Variants in LIFR observed in about 807,000 individuals in gnomAD.
The protein encoded by LIFR is leukemia inhibitory factor receptor.
In LIFR, 84 loss-of-function variants were observed where a neutral mutation model predicts 122.2. That is an observed-to-expected ratio of 0.69 (90% confidence interval 0.58 to 0.82). LIFR has a LOEUF of 0.82. Ranked by LOEUF, LIFR falls within the 40% of genes least tolerant of loss-of-function variation. The pLI is 0.00. For missense variants in LIFR, 1,294 were observed against 1,311.6 expected, an observed-to-expected ratio of 0.99 and a Z score of 0.21; for synonymous variants, 422 against 434.7, an observed-to-expected ratio of 0.97 and a Z score of 0.36.
chr5:38,476,708 TTCAA>T lies in LIFR; in HGVS notation c.*4883_*4886del, dbSNP rs1408378799. On this transcript the variant is annotated 3_prime_UTR_variant, in exon 20 of 20. Transcript: ENST00000453190. ...AATCATATTTTGTTTCTGGCTAATGTTCAATCAGTTTTTCTTTTATAAGAGCTTT... is the reference window on the plus strand; with the variant it reads ...AATCATATTTTGTTTCTGGCTAATGTTCAGTTTTTCTTTTATAAGAGCTTT... The T allele has an allele frequency of 9.5e-6, 2 of 210,090 alleles. No individual in the cohort carries two copies. The highest frequency in any genetic ancestry group is 7.2e-5 in the East Asian group (1 of 13,844). 13.0% of individuals were successfully genotyped at this position (210,090 alleles called of 1,614,324 possible).
chr5:38,549,285 A>ACT (rs1161716782), intron 1 of LIFR, among the ~76,000 whole-genome samples: 7 of 139,084 alleles, frequency 5.0e-5, no homozygotes, highest in African/African-American at 1.8e-4. Flanking sequence ...ACACACACAC[A>ACT]CACTCCATAA....
chr5:38,566,996 G>A (rs1225132928), intron 1 of LIFR, among the ~76,000 whole-genome samples: 1 of 152,180 alleles, frequency 6.6e-6, no homozygotes, highest in African/African-American at 2.4e-5. Context: ...CACATCATCA[G>A]CTCCTGGGAA....
rs1249272660 is a variant in LIFR, at chr5:38,481,679, A to T, written c.3210T>A (p.Ile1070=). The change falls in exon 20 of 20, where the codon ATT becomes ATA. Residue 1070 remains isoleucine, a synonymous_variant. Transcript: ENST00000453190. ...PCSINSRQFL[I]PPKDEDSPKS... ...TAGGAGAGTCTTCATCTTTAGGAGG[A>T]ATCAAAAATTGTCGGGAATTAATGG... 6.2e-7 allele frequency: 1 copy of T among 1,614,054 alleles called. No individual in the cohort carries two copies. The highest frequency in any genetic ancestry group is 1.7e-5 in the Admixed American group (1 of 60,000).
rs73077485 is a variant in LIFR, at chr5:38,521,371, G to T, written c.561+2048C>A. 4.5e-3 allele frequency among the ~76,000 whole-genome samples: 687 copies of T among 152,216 alleles called. 7 individuals are homozygous for T. The highest frequency in any genetic ancestry group is 0.015 in the African/African-American group (638 of 41,546). ...ACAAGATTATATCACCAGCAAAGAG[G>T]GACAATTTGACTCTCTCTTTCCCAA... On this transcript the variant is annotated intron_variant, in intron 5 of 19. Transcript: ENST00000453190.
At chr5:38,550,856 TAA>T (rs975739257) in intron 1 of LIFR, among the ~76,000 whole-genome samples, 3 of 152,228 alleles carry the variant, frequency 2.0e-5, no homozygotes, top group African/African-American at 4.8e-5. Context: ...CCTCTGGGTC[TAA>T]GTTTCTTTAT....
intron 1 of LIFR, among the ~76,000 whole-genome samples, chr5:38,592,991 C>T (rs1476576088): frequency 6.6e-6 from 1 of 151,842 alleles, no homozygotes; most frequent in Non-Finnish European, 1.5e-5. Context: ...GATCACGAGG[C>T]CAGGAGTTCA....
rs1056309797 is a variant in LIFR, at chr5:38,476,110, A to C, written c.*5485T>G. 1.0e-5 allele frequency: 2 copies of C among 199,460 alleles called. No homozygotes were observed. Among genetic ancestry groups the C allele is most frequent in the African/African-American group, 2.3e-5 (1 of 43,494 alleles). 12.4% of individuals were successfully genotyped at this position (199,460 alleles called of 1,614,324 possible). ...AATATTGTGTTGGAAGGAAAAATTA[A>C]ATACAAGGAAACACTAGCTTATGAT... On this transcript the variant is annotated 3_prime_UTR_variant, in exon 20 of 20. Coordinates refer to ENST00000453190, the MANE Select transcript of LIFR (RefSeq NM_001127671.2).
chr5:38,560,648 G>A (rs553357993), upstream of LIFR, among the ~76,000 whole-genome samples: 1 of 151,506 alleles, frequency 6.6e-6, no homozygotes, highest in South Asian at 2.1e-4. Flanking sequence ...CCAGGCTGGA[G>A]TGCAGTGGTG....
chr5:38,533,468 A>C (rs1442156886), intron 1 of LIFR, among the ~76,000 whole-genome samples: 1 of 152,212 alleles, frequency 6.6e-6, no homozygotes, highest in East Asian at 1.9e-4. Context: ...GAGCTTTTAA[A>C]GGCCTTGTTT....
Position 38,480,977 on chromosome 5 carries a change from G to A in LIFR, c.*618C>T. On this transcript the variant is annotated 3_prime_UTR_variant, in exon 20 of 20. Transcript: ENST00000453190. Reference sequence around the variant, plus strand: ...CAAAGTTTGTACCCCTGAGACAACTGTTTGATAACCATTATACAGTAGGCA... The same window carrying A: ...CAAAGTTTGTACCCCTGAGACAACTATTTGATAACCATTATACAGTAGGCA... 1 of 221,660 alleles carries A rather than the reference G, an allele frequency of 4.5e-6. No homozygotes were observed. 13.7% of individuals were successfully genotyped at this position (221,660 alleles called of 1,614,324 possible). A position where few individuals can be genotyped will look rare whatever the true frequency, so the allele number is the denominator to read the frequency against.
chr5:38,603,825 TTC>T (rs1410892715), intron 2 of LIFR, among the ~76,000 whole-genome samples: 5 of 152,174 alleles, frequency 3.3e-5, no homozygotes, highest in African/African-American at 7.2e-5. Context: ...GGATGTTTTC[TTC>T]TCTTATTCAT....
chr5:38,508,735 C>T (rs1745632079), intron 7 of LIFR, among the ~76,000 whole-genome samples: 1 of 132,386 alleles, frequency 7.6e-6, no homozygotes, highest in Non-Finnish European at 1.6e-5. Flanking sequence ...TGCCACCATG[C>T]CCAGCTAATT....
intron 18 of LIFR, among the ~76,000 whole-genome samples, chr5:38,483,678 C>T (rs948482412): frequency 1.3e-5 from 2 of 152,194 alleles, no homozygotes; most frequent in African/African-American, 2.4e-5. Context: ...ATCTGCCTGC[C>T]TTGGCCTCCC....
upstream of LIFR, chr5:38,559,216 A>C (rs145057499): frequency 6.6e-6 from 1 of 152,238 alleles, no homozygotes; most frequent in South Asian, 2.1e-4. Flanking sequence ...TCTAAGGAAC[A>C]CCACATTCCT....
At chr5:38,501,906 G>A (rs1456831093) in intron 11 of LIFR, among the ~76,000 whole-genome samples, 1 of 151,072 alleles carries the variant, frequency 6.6e-6, no homozygotes, top group East Asian at 1.9e-4. Flanking sequence ...AGAAACTGAA[G>A]TTCAAGACCT....
intron 14 of LIFR, among the ~76,000 whole-genome samples, chr5:38,491,742 T>C (rs1036092425): frequency 6.6e-6 from 1 of 152,368 alleles, no homozygotes; most frequent in African/African-American, 2.4e-5. Flanking sequence ...ACTTTTCTTC[T>C]TGTAATCACT....
intron 1 of LIFR, among the ~76,000 whole-genome samples, chr5:38,589,198 G>A (rs1446532151): frequency 6.6e-6 from 1 of 150,984 alleles, no homozygotes; most frequent in Admixed American, 6.6e-5. Flanking sequence ...TAGTAGAGAT[G>A]GTGTTTCACT....
In LIFR at chr5:38,506,574, T is replaced by C. The variant is rs1561155490; in HGVS notation, c.1050A>G (p.Ile350Met). 6.2e-7 allele frequency: 1 copy of C among 1,613,370 alleles called. No individual in the cohort carries two copies. Among genetic ancestry groups the C allele is most frequent in the Non-Finnish European group, 8.5e-7 (1 of 1,179,320 alleles). ...NCETHDLKEI[I>M]CSWNPGRVTA... ...TCACCCTTCCTGGATTCCAACTACA[T>C]ATAATTTCTTTTAAATCATGTGTCT... Residue 350 changes from isoleucine (I) to methionine (M), a missense_variant, in exon 8 of 20, where the codon ATA becomes ATG. Physicochemically the swap from Ile to Met is conservative, Grantham distance 10 (BLOSUM62 1). Coordinates refer to ENST00000453190, the MANE Select transcript of LIFR (RefSeq NM_001127671.2).
chr5:38,590,844 G>T (rs762050785), intron 1 of LIFR, among the ~76,000 whole-genome samples: 1 of 152,232 alleles, frequency 6.6e-6, no homozygotes, highest in Non-Finnish European at 1.5e-5. Context: ...TCTGACACCA[G>T]TGACTGCAAA....
Sources: gnomAD v4.1 joint callset for allele counts (sites outside exome capture counted in the v4.1 genomes callset) on GRCh38, gnomAD v4.1.1 for gene constraint, MANE v1.5 for transcripts, NCBI Gene and HGNC (gene_info 2026-07-23, HGNC 2026-07-21) for gene names.